Variants in ICA1L observed in about 807,000 individuals in gnomAD.
The protein encoded by ICA1L is islet cell autoantigen 1-like protein.
In ICA1L, 50 loss-of-function variants were observed where a neutral mutation model predicts 61.3. The observed-to-expected ratio is 0.82, with a 90% confidence interval of 0.65 to 1.03. ICA1L has a LOEUF of 1.03. Ranked by LOEUF, ICA1L falls within the 50% of genes least tolerant of loss-of-function variation. The pLI is 0.00. For missense variants in ICA1L, 508 were observed against 556.7 expected, an observed-to-expected ratio of 0.91 and a Z score of 0.88; for synonymous variants, 161 against 191.3, an observed-to-expected ratio of 0.84 and a Z score of 1.31.
intron 1 of ICA1L, among the ~76,000 whole-genome samples, chr2:202,837,269 AT>A (rs1167878012): frequency 1.3e-5 from 2 of 150,704 alleles, no homozygotes; most frequent in African/African-American, 4.9e-5. Flanking sequence ...AGGCTTACCA[AT>A]TTTCCGTTGT....
chr2:202,860,842 A>G (rs1173860999), intron 1 of ICA1L, among the ~76,000 whole-genome samples: 1 of 152,232 alleles, frequency 6.6e-6, no homozygotes, highest in Non-Finnish European at 1.5e-5. Context: ...ATAAACATTA[A>G]CTATATATTA....
At chr2:202,830,006 A>T (rs1380979734) in intron 1 of ICA1L, among the ~76,000 whole-genome samples, 1 of 152,242 alleles carries the variant, frequency 6.6e-6, no homozygotes, top group East Asian at 1.9e-4. Context: ...GAAATATTTT[A>T]GTGTCCAATA....
intron 5 of ICA1L, among the ~76,000 whole-genome samples, chr2:202,818,722 T>TATG (rs1215214272): frequency 6.6e-6 from 1 of 152,230 alleles, no homozygotes; most frequent in Non-Finnish European, 1.5e-5. Context: ...CCATGTAAGA[T>TATG]ATGACTTGTT....
rs558288161 is a variant in ICA1L at position 202,846,739 on chromosome 2, A to G, written c.-7-17723T>C. The stretch of plus-strand genomic sequence containing the variant: ...GCCCTTATCCAAAAGTGAGTCATTC[A>G]TTCATTCATTCATTCATTGTTAAAT... On this transcript the variant is annotated intron_variant, in intron 1 of 12. Coordinates refer to ENST00000358299, the MANE Select transcript of ICA1L (RefSeq NM_001288622.3). Among the ~76,000 whole-genome samples the G allele has an allele frequency of 2.2e-4, 33 of 150,994 alleles. 1 individual carries two copies. In the South Asian group the frequency reaches 6.8e-3, roughly 31 times the overall value.
At chr2:202,854,268 A>G (rs1020322508) in intron 1 of ICA1L, among the ~76,000 whole-genome samples, 8 of 152,172 alleles carry the variant, frequency 5.3e-5, no homozygotes, top group African/African-American at 1.9e-4. Context: ...CAGACTTTAA[A>G]CCAACAAAGA....
chr2:202,801,667 A>G (rs554647056), intron 9 of ICA1L, among the ~76,000 whole-genome samples: 1 of 152,360 alleles, frequency 6.6e-6, no homozygotes, highest in African/African-American at 2.4e-5. Flanking sequence ...AAACAACAAC[A>G]AAAATGTAAG....
chr2:202,791,682 A>G (rs1221521530), intron 10 of ICA1L, among the ~76,000 whole-genome samples: 1 of 151,628 alleles, frequency 6.6e-6, no homozygotes, highest in East Asian at 1.9e-4. Context: ...CCCTGTCTCT[A>G]CTAAAAATAC....
At chr2:202,783,862 A>C (rs1692491054) in intron 12 of ICA1L, among the ~76,000 whole-genome samples, 1 of 152,046 alleles carries the variant, frequency 6.6e-6, no homozygotes, top group Non-Finnish European at 1.5e-5. Flanking sequence ...TCTGCTACTT[A>C]AACTATTTAT....
chr2:202,802,709 T>A (rs1403843008), intron 9 of ICA1L, among the ~76,000 whole-genome samples: 1 of 151,798 alleles, frequency 6.6e-6, no homozygotes, highest in African/African-American at 2.4e-5. Flanking sequence ...ACAATGAAGA[T>A]CTGAAATATA....
intron 2 of ICA1L, 76 bp from the exon 3 acceptor site, chr2:202,825,843 A>C: frequency 2.5e-6 from 2 of 792,260 alleles, no homozygotes; most frequent in Non-Finnish European, 3.8e-6. Context: ...CAAAAGCATA[A>C]CATTTTCTTC....
intron 1 of ICA1L, among the ~76,000 whole-genome samples, chr2:202,855,410 A>G (rs1396276282): frequency 6.6e-6 from 1 of 152,184 alleles, no homozygotes. Context: ...CAGACTAATG[A>G]AAAAAGAAAC....
intron 12 of ICA1L, among the ~76,000 whole-genome samples, chr2:202,784,994 C>T (rs536268356): frequency 5.3e-5 from 8 of 151,730 alleles, no homozygotes; most frequent in South Asian, 2.1e-4. Flanking sequence ...CTGAGGCGGG[C>T]GGATCATGAG....
In ICA1L at chr2:202,864,627, A is replaced by ATGTGTGTGTGTGTGTGTG. The variant is rs566451955; in HGVS notation, c.-8+6974_-8+6991dup. On this transcript the variant is annotated intron_variant, in intron 1 of 12. Transcript: ENST00000358299. ...TGTATATGTGTGTGTGTATATATATATGTGTGTGTGTGTGTGTGTGTATAT... is the reference window on the plus strand; with the variant it reads ...TGTATATGTGTGTGTGTATATATATATGTGTGTGTGTGTGTGTGTGTGTGTGTGTGTGTGTGTGTATAT... Among the ~76,000 whole-genome samples the ATGTGTGTGTGTGTGTGTG allele has an allele frequency of 3.9e-3, 586 of 150,384 alleles. 1 individual carries two copies. The highest frequency in any genetic ancestry group is 5.4e-3 in the Non-Finnish European group (365 of 67,424).
At chr2:202,864,773 C>T (rs1687440515) in intron 1 of ICA1L, among the ~76,000 whole-genome samples, 1 of 152,090 alleles carries the variant, frequency 6.6e-6, no homozygotes, top group Non-Finnish European at 1.5e-5. Context: ...AATCCCAGCA[C>T]TTTAGGAGGC....
At chr2:202,861,303 G>A (rs1411761868) in intron 1 of ICA1L, among the ~76,000 whole-genome samples, 1 of 149,066 alleles carries the variant, frequency 6.7e-6, no homozygotes, top group African/African-American at 2.5e-5. Flanking sequence ...TACTAGGGAG[G>A]CTGAGGCAGG....
chr2:202,867,773 G>T (rs937659636), intron 1 of ICA1L, among the ~76,000 whole-genome samples: 1 of 152,152 alleles, frequency 6.6e-6, no homozygotes, highest in African/African-American at 2.4e-5. Context: ...TACATTGGTC[G>T]TGGGAATATA....
At chr2:202,814,852 G>A in intron 7 of ICA1L, 68 bp from the exon 8 acceptor site, 2 of 1,058,102 alleles carry the variant, frequency 1.9e-6, no homozygotes, top group Non-Finnish European at 2.9e-6. Context: ...CAAAGAAAAT[G>A]AGAATATAAA....
intron 1 of ICA1L, chr2:202,841,286 A>G: frequency 1.3e-6 from 1 of 743,116 alleles, no homozygotes; most frequent in South Asian, 1.4e-5. Context: ...GCATGTTGCC[A>G]AGCTCTGCCT....
intron 1 of ICA1L, among the ~76,000 whole-genome samples, chr2:202,865,561 G>A (rs546294688): frequency 3.9e-5 from 6 of 152,116 alleles, no homozygotes; most frequent in African/African-American, 1.2e-4. Context: ...TTAATATTGG[G>A]AAAGAGGCAA....
Sources: allele counts gnomAD v4.1 joint callset (sites outside exome capture counted in the v4.1 genomes callset), GRCh38; gene constraint gnomAD v4.1.1; transcripts MANE v1.5; gene names NCBI Gene and HGNC (gene_info 2026-07-23, HGNC 2026-07-21).